GRIK1: variants seen among roughly 807,000 people sequenced by gnomAD.
GRIK1 encodes the protein glutamate ionotropic receptor kainate type subunit 1.
Under a neutral mutation model 105.7 loss-of-function variants are expected in GRIK1, and 69 were observed. The observed-to-expected ratio is 0.65, with a 90% confidence interval of 0.54 to 0.80. The LOEUF (loss-of-function observed/expected upper bound fraction) is 0.80, where lower values mean the gene tolerates loss of function less well. Among genes scored for constraint, GRIK1 ranks in the 30% least tolerant of loss-of-function variants. GRIK1 has a pLI of 0.00. For synonymous variants in GRIK1, 438 were observed against 431.3 expected (o/e 1.02, Z -0.19); for missense variants, 1,109 against 1,167.3 (o/e 0.95, Z 0.73).
At chr21:29,883,196 G>C (rs749266781) in intron 1 of GRIK1, among the ~76,000 whole-genome samples, 7 of 152,042 alleles carry the variant, frequency 4.6e-5, no homozygotes, top group South Asian at 2.1e-4. Flanking sequence ...GTAGGAAAAT[G>C]TATTTGTATA....
intron 1 of GRIK1, among the ~76,000 whole-genome samples, chr21:29,905,082 A>G (rs995352810): frequency 6.6e-6 from 1 of 152,230 alleles, no homozygotes; most frequent in Non-Finnish European, 1.5e-5. Flanking sequence ...TCAGAGGGTC[A>G]GAGTGCCATT....
At chr21:29,714,027 T>G (rs1204357206) in intron 1 of GRIK1, among the ~76,000 whole-genome samples, 1 of 152,098 alleles carries the variant, frequency 6.6e-6, no homozygotes, top group Non-Finnish European at 1.5e-5. Flanking sequence ...AATAAATGAG[T>G]GTATGTTTCA....
At chr21:29,910,517 A>C (rs995917981) in intron 1 of GRIK1, among the ~76,000 whole-genome samples, 19 of 152,174 alleles carry the variant, frequency 1.2e-4, no homozygotes, top group African/African-American at 4.6e-4. Context: ...AAACAAAGTC[A>C]TGGTAGATTT....
intron 1 of GRIK1, among the ~76,000 whole-genome samples, chr21:29,903,049 T>C (rs1235419403): frequency 6.6e-6 from 1 of 152,164 alleles, no homozygotes; most frequent in Non-Finnish European, 1.5e-5. Flanking sequence ...TCCTATTTAA[T>C]AAATGATATT....
At chr21:29,764,755 C>T (rs2065615595) in intron 1 of GRIK1, among the ~76,000 whole-genome samples, 1 of 152,066 alleles carries the variant, frequency 6.6e-6, no homozygotes, top group Non-Finnish European at 1.5e-5. Context: ...GGTACCTGCT[C>T]CTCACAAAAG....
intron 1 of GRIK1, among the ~76,000 whole-genome samples, chr21:29,803,676 G>A (rs573063367): frequency 2.0e-5 from 3 of 152,162 alleles, no homozygotes; most frequent in East Asian, 1.9e-4. Flanking sequence ...TGAATACATG[G>A]TTCAGCTCTG....
At chr21:29,537,905 AAAAAC>A (rs760140167) in intron 16 of GRIK1, 21 bp from the exon 17 acceptor site, 4 of 1,087,600 alleles carry the variant, frequency 3.7e-6, no homozygotes, top group Non-Finnish European at 5.5e-6. Flanking sequence ...AAAAAGAAAA[AAAAAC>A]AATTTTAAAT....
intron 7 of GRIK1, among the ~76,000 whole-genome samples, chr21:29,631,462 G>A (rs1481835570): frequency 1.3e-5 from 2 of 152,184 alleles, no homozygotes; most frequent in East Asian, 1.9e-4. Flanking sequence ...GGCCCTCACT[G>A]GAACTTGACC....
rs1019372731 is a variant in GRIK1, at chr21:29,604,995, T to C, written c.1099-6058A>G. Among the ~76,000 whole-genome samples the C allele has an allele frequency of 3.9e-5, 6 of 152,340 alleles. No individual in the cohort carries two copies. The East Asian group carries it at 1.2e-3, about 29-fold the overall frequency. On this transcript the variant is annotated intron_variant, in intron 7 of 17. Transcript: ENST00000327783. ...TCTGGGCTCTTATGATAATCAACTC[T>C]TAATGTCATTAGTTAAAATGATTTC...
chr21:29,814,073 C>T (rs2067084756), intron 1 of GRIK1, among the ~76,000 whole-genome samples: 1 of 147,940 alleles, frequency 6.8e-6, no homozygotes, highest in Admixed American at 6.8e-5. Context: ...TGCCACCACA[C>T]CTGGCTAATA....
At chr21:29,668,548 G>A (rs1284604532) in intron 4 of GRIK1, among the ~76,000 whole-genome samples, 7 of 152,168 alleles carry the variant, frequency 4.6e-5, no homozygotes, top group South Asian at 4.1e-4. Flanking sequence ...CAGGTCATGC[G>A]GCCTTGGTGT....
chr21:29,684,057 C>T (rs1346273805), intron 3 of GRIK1, among the ~76,000 whole-genome samples: 3 of 152,154 alleles, frequency 2.0e-5, no homozygotes, highest in South Asian at 2.1e-4. Flanking sequence ...GTCGGTCTCC[C>T]GAATACTGTT....
At chr21:29,816,106 A>C (rs1490387241) in intron 1 of GRIK1, among the ~76,000 whole-genome samples, 1 of 152,122 alleles carries the variant, frequency 6.6e-6, no homozygotes, top group African/African-American at 2.4e-5. Context: ...AAAAAAGCCC[A>C]AAATAATCCC....
chr21:29,729,426 A>G (rs79400514), intron 1 of GRIK1, among the ~76,000 whole-genome samples: 8,978 of 152,232 alleles, frequency 0.059, 299 homozygotes, highest in African/African-American at 0.067. Flanking sequence ...TAGGAAGGAC[A>G]TTAGTCAGAC....
intron 4 of GRIK1, 57 bp downstream of exon 4, chr21:29,672,926 T>C: frequency 7.6e-7 from 1 of 1,309,568 alleles, no homozygotes; most frequent in South Asian, 1.4e-5. Flanking sequence ...ATGGCATTTT[T>C]GAAAAATAGA....
At chr21:29,876,256 C>T (rs1254511105) in intron 1 of GRIK1, among the ~76,000 whole-genome samples, 1 of 151,822 alleles carries the variant, frequency 6.6e-6, no homozygotes, top group Non-Finnish European at 1.5e-5. Context: ...GATCATTGGG[C>T]CATTTCATAA....
intron 1 of GRIK1, among the ~76,000 whole-genome samples, chr21:29,921,527 A>G (rs187246495): frequency 5.3e-5 from 8 of 152,338 alleles, no homozygotes; most frequent in Admixed American, 5.2e-4. Flanking sequence ...CCAGACTTAT[A>G]ACATCTAGAA....
intron 4 of GRIK1, among the ~76,000 whole-genome samples, chr21:29,666,351 C>T (rs1040425908): frequency 3.3e-5 from 5 of 151,936 alleles, no homozygotes; most frequent in African/African-American, 9.7e-5. Context: ...TGCAGTGAGC[C>T]GAGATCATGC....
At chr21:29,693,305 G>A (rs2063621525) in intron 2 of GRIK1, among the ~76,000 whole-genome samples, 1 of 152,192 alleles carries the variant, frequency 6.6e-6, no homozygotes, top group Admixed American at 6.5e-5. Flanking sequence ...GAGAAACCTT[G>A]CAGCCAACAT....
Sources: allele counts gnomAD v4.1 joint callset (sites outside exome capture counted in the v4.1 genomes callset), GRCh38; gene constraint gnomAD v4.1.1; transcripts MANE v1.5; gene names NCBI Gene and HGNC (gene_info 2026-07-23, HGNC 2026-07-21).